Variants in PXDNL observed in about 807,000 individuals in gnomAD.
PXDNL encodes peroxidasin like.
Under a neutral mutation model 150.8 loss-of-function variants are expected in PXDNL, and 145 were observed. The observed-to-expected ratio is 0.96, with a 90% confidence interval of 0.84 to 1.10. The LOEUF is 1.10. Among genes scored for constraint, PXDNL ranks in the 50% least tolerant of loss-of-function variants. The pLI is 0.00. For missense variants in PXDNL, 2,087 were observed against 1,873.9 expected (o/e 1.11, Z -2.10); for synonymous variants, 757 against 725.7 (o/e 1.04, Z -0.69).
Position 51,456,237 on chromosome 8 carries a change from C to T in PXDNL, c.982+1261G>A, listed in dbSNP as rs907694180. 2.0e-5 allele frequency among the ~76,000 whole-genome samples: 3 copies of T among 152,144 alleles called. No homozygotes were observed. In the East Asian group the frequency reaches 5.8e-4, roughly 29 times the overall value. On this transcript the variant is annotated intron_variant, in intron 9 of 22. Coordinates refer to ENST00000356297, the MANE Select transcript of PXDNL (RefSeq NM_144651.5). ...TGATCTGACCCCACTTTATACCTCA[C>T]CAAATCTCGTGTCATTCCCAGCCTC...
intron 12 of PXDNL, among the ~76,000 whole-genome samples, chr8:51,443,202 C>G (rs781496848): frequency 6.6e-6 from 1 of 151,966 alleles, no homozygotes; most frequent in Non-Finnish European, 1.5e-5. Flanking sequence ...TCATTGCTTA[C>G]AAATATTTGC....
chr8:51,716,687 T>C, intron 1 of PXDNL, among the ~76,000 whole-genome samples: 1 of 152,158 alleles, frequency 6.6e-6, no homozygotes, highest in Non-Finnish European at 1.5e-5. Flanking sequence ...AAGTAAATAA[T>C]AATATGGAAA....
At chr8:51,345,737 A>C (rs1806130947) in intron 20 of PXDNL, 96 bp downstream of exon 20, 1 of 643,258 alleles carries the variant, frequency 1.6e-6, no homozygotes, top group African/African-American at 1.8e-5. Flanking sequence ...TAAATAAGTT[A>C]ACTGTGGTCT....
intron 3 of PXDNL, among the ~76,000 whole-genome samples, chr8:51,560,352 C>T (rs2130555554): frequency 6.6e-6 from 1 of 151,966 alleles, no homozygotes; most frequent in South Asian, 2.1e-4. Flanking sequence ...AGGCCCTGAA[C>T]AGTTAAAACA....
chr8:51,491,014 ACCATC>A (rs1810880206), intron 5 of PXDNL, among the ~76,000 whole-genome samples: 1 of 152,110 alleles, frequency 6.6e-6, no homozygotes, highest in Non-Finnish European at 1.5e-5. Flanking sequence ...CTGAGTAGGC[ACCATC>A]TAATCAGCTG....
Position 51,655,751 on chromosome 8 carries a change from G to C in PXDNL, c.165-991C>G, listed in dbSNP as rs538308483. On this transcript the variant is annotated intron_variant, in intron 1 of 22. Transcript: ENST00000356297. ...GCATTGACATGGCTGCTGAATAAAA[G>C]TCATGTTCTCTCTCTGGGGTTCAGA... Among the ~76,000 whole-genome samples, 3 of 152,294 alleles carry C rather than the reference G, an allele frequency of 2.0e-5. No homozygotes were observed. In the East Asian group the frequency reaches 5.8e-4, roughly 29 times the overall value.
chr8:51,346,440 A>G (rs1490681479), intron 19 of PXDNL, among the ~76,000 whole-genome samples: 3 of 152,232 alleles, frequency 2.0e-5, no homozygotes, highest in Non-Finnish European at 4.4e-5. Context: ...TTAAAATTGT[A>G]AGTTTTATGT....
intron 19 of PXDNL, among the ~76,000 whole-genome samples, chr8:51,348,349 T>C (rs1482670613): frequency 6.6e-6 from 1 of 152,196 alleles, no homozygotes; most frequent in African/African-American, 2.4e-5. Context: ...ATCATGTATA[T>C]AACACTGCAG....
At chr8:51,669,537 G>T (rs1172545809) in intron 1 of PXDNL, among the ~76,000 whole-genome samples, 1 of 152,172 alleles carries the variant, frequency 6.6e-6, no homozygotes, top group Admixed American at 6.5e-5. Context: ...TTAAGAGATG[G>T]TTGGTTGGTC....
At chr8:51,533,738 C>T (rs1415160825) in intron 4 of PXDNL, among the ~76,000 whole-genome samples, 1 of 151,096 alleles carries the variant, frequency 6.6e-6, no homozygotes, top group Non-Finnish European at 1.5e-5. Context: ...CCGCCAGCCT[C>T]GGCCTCCCGA....
At chr8:51,475,548 G>A (rs117374922) in intron 6 of PXDNL, among the ~76,000 whole-genome samples, 2,604 of 152,196 alleles carry the variant, frequency 0.017, 35 homozygotes, top group Non-Finnish European at 0.026. Context: ...AGGATCACTC[G>A]AGGCCAGGAG....
chr8:51,484,710 G>A (rs1810689853), intron 5 of PXDNL, among the ~76,000 whole-genome samples: 1 of 152,174 alleles, frequency 6.6e-6, no homozygotes, highest in African/African-American at 2.4e-5. Context: ...GGCGGGAGTA[G>A]GAGAAGATCC....
chr8:51,461,968 C>A (rs1810095568), intron 8 of PXDNL, among the ~76,000 whole-genome samples: 1 of 152,146 alleles, frequency 6.6e-6, no homozygotes, highest in Non-Finnish European at 1.5e-5. Context: ...AAATACACCA[C>A]CAAACAAAAA....
intron 18 of PXDNL, 29 bp downstream of exon 18, chr8:51,374,568 T>C: frequency 6.2e-7 from 1 of 1,608,216 alleles, no homozygotes; most frequent in Non-Finnish European, 8.5e-7. Context: ...TTTTGTGATA[T>C]TTAATAAGTA....
chr8:51,550,392 A>T (rs1455905001), intron 4 of PXDNL, among the ~76,000 whole-genome samples: 1 of 152,086 alleles, frequency 6.6e-6, no homozygotes, highest in African/African-American at 2.4e-5. Context: ...AAAGAAAACT[A>T]CAGACCAATG....
At chr8:51,489,252 T>C (rs1810838060) in intron 5 of PXDNL, among the ~76,000 whole-genome samples, 1 of 152,216 alleles carries the variant, frequency 6.6e-6, no homozygotes, top group African/African-American at 2.4e-5. Context: ...GTCTTTACAT[T>C]GAAAACTCCA....
rs16916255 is a variant in PXDNL, at chr8:51,426,593, C to T, written c.1638+53G>A. The T allele has an allele frequency of 9.3e-3, 9,342 of 1,008,022 alleles. 526 individuals carry two copies. In the African/African-American group the frequency reaches 0.13, roughly 14 times the overall value. The allele number at this position is 1,008,022 out of a possible 1,614,324, so 62.4% of individuals were successfully genotyped here. ...AATCATTACCTCCATTTCAGTGGGTCGATACATCTGTCAGTGTTTTTAATA... is the reference window on the plus strand; with the variant it reads ...AATCATTACCTCCATTTCAGTGGGTTGATACATCTGTCAGTGTTTTTAATA... On this transcript the variant is annotated intron_variant, in intron 13 of 22. Transcript: ENST00000356297.
At chr8:51,337,203 G>C (rs1275046423) in intron 21 of PXDNL, among the ~76,000 whole-genome samples, 1 of 152,074 alleles carries the variant, frequency 6.6e-6, no homozygotes, top group Non-Finnish European at 1.5e-5. Context: ...ACATCTCTGG[G>C]ATGTTTTTAA....
chr8:51,371,667 T>C (rs1232897462), intron 19 of PXDNL, among the ~76,000 whole-genome samples: 1 of 152,168 alleles, frequency 6.6e-6, no homozygotes, highest in African/African-American at 2.4e-5. Context: ...ACAAGGTTAG[T>C]GTGGAATGGA....
Sources: gnomAD v4.1 joint callset for allele counts (sites outside exome capture counted in the v4.1 genomes callset) on GRCh38, gnomAD v4.1.1 for gene constraint, MANE v1.5 for transcripts, NCBI Gene and HGNC (gene_info 2026-07-23, HGNC 2026-07-21) for gene names.